Variants in EDIL3 observed in about 807,000 individuals in gnomAD.
The protein encoded by EDIL3 is EGF-like repeat and discoidin I-like domain-containing protein 3.
A neutral mutation model predicts 67.4 loss-of-function variants in EDIL3; 37 were observed. That is an observed-to-expected ratio of 0.55 (90% CI 0.42 to 0.72). EDIL3 has a LOEUF of 0.72. Ranked by LOEUF, EDIL3 falls within the 30% of genes least tolerant of loss-of-function variation. The pLI, the probability that EDIL3 is intolerant of heterozygous loss-of-function variation, is 0.00. For missense variants in EDIL3, 527 were observed against 586.3 expected (o/e 0.90, Z 1.04); for synonymous variants, 195 against 196.3 (o/e 0.99, Z 0.05).
At chr5:84,040,718 G>C (rs6870464) in intron 9 of EDIL3, among the ~76,000 whole-genome samples, 106,659 of 151,884 alleles carry the variant, frequency 0.7, 39,239 homozygotes, top group East Asian at 0.96. Context: ...TTATCCTTTG[G>C]ATACTGGTAC....
intron 4 of EDIL3, among the ~76,000 whole-genome samples, chr5:84,167,611 A>G (rs1239638098): frequency 1.3e-5 from 2 of 152,200 alleles, no homozygotes; most frequent in African/African-American, 4.8e-5. Context: ...AATACCAAGA[A>G]TGATAGTTTA....
intron 3 of EDIL3, among the ~76,000 whole-genome samples, chr5:84,218,360 G>A (rs1744274338): frequency 6.6e-6 from 1 of 152,212 alleles, no homozygotes; most frequent in African/African-American, 2.4e-5. Flanking sequence ...ATTATAGTCA[G>A]CAGTTCCTCA....
At chr5:84,010,380 G>C (rs1300357032) in intron 9 of EDIL3, among the ~76,000 whole-genome samples, 1 of 151,912 alleles carries the variant, frequency 6.6e-6, no homozygotes, top group Non-Finnish European at 1.5e-5. Flanking sequence ...ATAACATTTT[G>C]CTTGTGTACT....
At chr5:84,163,784 T>C (rs935249432) in intron 4 of EDIL3, among the ~76,000 whole-genome samples, 3 of 152,128 alleles carry the variant, frequency 2.0e-5, no homozygotes, top group Admixed American at 2.0e-4. Context: ...GTTTAATTCA[T>C]CTTAAATGAA....
In EDIL3 at chr5:84,308,174, G is replaced by A. The variant is rs545500169; in HGVS notation, c.68-53962C>T. ...GAGGAATTTAAGAAAAATCTGAGAT[G>A]TAGAATCGATATGATCTAGTGGCTA... On this transcript the variant is annotated intron_variant, in intron 1 of 10. Transcript: ENST00000296591. Among the ~76,000 whole-genome samples, 13 of 152,322 alleles carry A rather than the reference G, an allele frequency of 8.5e-5. No homozygotes were observed. In the South Asian group the frequency reaches 2.3e-3, roughly 27 times the overall value.
At chr5:84,244,907 A>C (rs1156756794) in intron 2 of EDIL3, among the ~76,000 whole-genome samples, 3 of 152,230 alleles carry the variant, frequency 2.0e-5, no homozygotes, top group Non-Finnish European at 4.4e-5. Context: ...ACTATTGTGA[A>C]CTGCATATGC....
chr5:84,366,572 T>C (rs575839878), intron 1 of EDIL3, among the ~76,000 whole-genome samples: 1 of 152,322 alleles, frequency 6.6e-6, no homozygotes, highest in African/African-American at 2.4e-5. Flanking sequence ...TAACTCTCTA[T>C]GAACATTTTA....
At chr5:84,324,927 T>A (rs913085321) in intron 1 of EDIL3, among the ~76,000 whole-genome samples, 1 of 148,950 alleles carries the variant, frequency 6.7e-6, no homozygotes, top group Non-Finnish European at 1.5e-5. Flanking sequence ...TTCTCCTGAT[T>A]AAAAAAAAAA....
In EDIL3 at chr5:84,066,599, A is replaced by T; in HGVS notation, c.659T>A (p.Leu220Ter). The change falls in exon 7 of 11, where the codon TTG becomes TAG. Residue 220 changes from leucine to a stop codon, truncating the protein, a stop_gained. Coordinates refer to ENST00000296591, the MANE Select transcript of EDIL3 (RefSeq NM_005711.5). LOFTEE classifies it high-confidence loss of function. ...ACCAGTAACTCTCATTTTCCTTTGC[A>T]AATTTATCTGAAAAGACGAGCACAA... ...NDRWPWIQIN[L>*]QRKMRVTGVI... The T allele has an allele frequency of 6.2e-7, 1 of 1,611,996 alleles. No homozygotes were observed. The highest frequency in any genetic ancestry group is 8.5e-7 in the Non-Finnish European group (1 of 1,179,534).
At chr5:84,228,187 GC>G (rs1744490712) in intron 3 of EDIL3, among the ~76,000 whole-genome samples, 1 of 151,770 alleles carries the variant, frequency 6.6e-6, no homozygotes, top group Non-Finnish European at 1.5e-5. Flanking sequence ...TCTGGAAGAG[GC>G]CTCAAAAAAA....
At chr5:84,160,810 C>CT (rs1381250465) in intron 4 of EDIL3, among the ~76,000 whole-genome samples, 1 of 70,580 alleles carries the variant, frequency 1.4e-5, no homozygotes, top group African/African-American at 5.3e-5. Flanking sequence ...CTTTCCTTTC[C>CT]TTTCCTTTCC....
chr5:84,254,173 A>G lies in EDIL3; in HGVS notation c.107T>C (p.Ile36Thr). Residue 36 changes from isoleucine (I) to threonine (T), a missense_variant, in exon 2 of 11, where the codon ATC (isoleucine) becomes ACC (threonine). Ile to Thr is a moderately conservative substitution (Grantham distance 89, BLOSUM62 -1). This residue lies in a region of EDIL3 where 494 missense variants were observed against 522.5 expected (regional missense o/e 0.95). Coordinates refer to ENST00000296591, the MANE Select transcript of EDIL3 (RefSeq NM_005711.5). ...CDPNPCENGG[I>T]CLPGLADGSF... ...ACCATCAGCCAATCCTGGCAAACAG[A>G]TACCTCCATTTTCACATGGATTGGG... The G allele has an allele frequency of 6.2e-7, 1 of 1,612,678 alleles. No homozygotes were observed. Among genetic ancestry groups the G allele is most frequent in the African/African-American group, 1.3e-5 (1 of 74,998 alleles).
At chr5:84,210,191 A>G (rs1429125518) in intron 3 of EDIL3, among the ~76,000 whole-genome samples, 1 of 152,222 alleles carries the variant, frequency 6.6e-6, no homozygotes, top group South Asian at 2.1e-4. Context: ...TTAATCTACT[A>G]TAGTAAATAT....
intron 1 of EDIL3, among the ~76,000 whole-genome samples, chr5:84,265,549 C>T (rs1389596367): frequency 6.6e-6 from 1 of 152,120 alleles, no homozygotes; most frequent in East Asian, 1.9e-4. Context: ...TCATACACAC[C>T]TTTTACAACG....
At chr5:83,947,002 T>G (rs1316984151) in intron 10 of EDIL3, among the ~76,000 whole-genome samples, 1 of 151,910 alleles carries the variant, frequency 6.6e-6, no homozygotes, top group African/African-American at 2.4e-5. Context: ...TTTAGATAGA[T>G]TCCCTATGGC....
rs80086893 is a variant in EDIL3 at position 84,108,318 on chromosome 5, A to G, written c.470-1488T>C. Among the ~76,000 whole-genome samples the G allele has an allele frequency of 6.6e-3, 1,002 of 152,194 alleles. 11 individuals carry two copies. The highest frequency in any genetic ancestry group is 0.023 in the African/African-American group (955 of 41,566). On this transcript the variant is annotated intron_variant, in intron 5 of 10. Coordinates refer to ENST00000296591, the MANE Select transcript of EDIL3 (RefSeq NM_005711.5). ...GATAAAAATATATGGATAAGTAATC[A>G]TCTTAATCAGACTGTATTAGTAAAG... is the stretch of plus-strand genomic sequence containing the variant.
At chr5:84,016,614 A>T (rs1029029413) in intron 9 of EDIL3, among the ~76,000 whole-genome samples, 3 of 152,194 alleles carry the variant, frequency 2.0e-5, no homozygotes, top group African/African-American at 7.2e-5. Flanking sequence ...ATGCAGTCAA[A>T]ACTTTGTGTA....
At chr5:84,169,950 T>G (rs1561451997) in intron 4 of EDIL3, among the ~76,000 whole-genome samples, 2 of 152,198 alleles carry the variant, frequency 1.3e-5, no homozygotes, top group African/African-American at 4.8e-5. Flanking sequence ...CTGTGTCACA[T>G]TTTCATCATC....
chr5:84,078,685 C>A (rs1231159907), intron 6 of EDIL3: 2 of 152,124 alleles, frequency 1.3e-5, no homozygotes, highest in African/African-American at 4.8e-5. Flanking sequence ...TACATCAGTG[C>A]TGGCAGGTGA....
Sources: gnomAD v4.1 joint callset for allele counts (sites outside exome capture counted in the v4.1 genomes callset) on GRCh38, gnomAD v4.1.1 for gene constraint, gnomAD v4.1.1 regional missense constraint, MANE v1.5 for transcripts, NCBI Gene and HGNC (gene_info 2026-07-23, HGNC 2026-07-21) for gene names.